The following MAP7D2 variants were observed in gnomAD, a reference collection of about 807,000 sequenced individuals.
MAP7D2 encodes MAP7 domain-containing protein 2.
MAP7D2 carries 33 observed loss-of-function variants against 63.5 expected under a neutral mutation model. That is an observed-to-expected ratio of 0.52 (90% CI 0.39 to 0.70). The LOEUF (loss-of-function observed/expected upper bound fraction) is 0.70. Ranked by LOEUF, MAP7D2 falls within the 30% of genes least tolerant of loss-of-function variation. The pLI, the probability that MAP7D2 is intolerant of heterozygous loss-of-function variation, is 0.00. For missense variants in MAP7D2, 626 were observed against 604.0 expected (o/e 1.04, Z -0.38); for synonymous variants, 224 against 223.7 (o/e 1.00, Z -0.01).
chrX:20,109,723 C>A (rs1415765367), intron 1 of MAP7D2, among the ~76,000 whole-genome samples: 2 of 110,819 alleles, frequency 1.8e-5, no homozygotes, highest in Non-Finnish European at 3.8e-5. Flanking sequence ...GTTGCATATC[C>A]AAGGATTCAA....
At chrX:20,060,704 A>G (rs1363115636) in intron 3 of MAP7D2, among the ~76,000 whole-genome samples, 3 of 110,690 alleles carry the variant, frequency 2.7e-5, no homozygotes, top group Non-Finnish European at 5.7e-5. Flanking sequence ...GAACTTAAGG[A>G]GTAGGTGGCC....
intron 3 of MAP7D2, among the ~76,000 whole-genome samples, chrX:20,059,876 C>T (rs1284123656): frequency 1.8e-5 from 2 of 111,520 alleles, no homozygotes; most frequent in African/African-American, 6.5e-5. Context: ...TGGAGAATCA[C>T]GACCAAGGTG....
At chrX:20,044,810 A>T (rs1038663264) in intron 6 of MAP7D2, among the ~76,000 whole-genome samples, 51 of 110,918 alleles carry the variant, frequency 4.6e-4, no homozygotes, top group Admixed American at 1.8e-3. Flanking sequence ...TAACCTCTCT[A>T]AACATCGATT....
At chrX:20,040,804 A>G (rs2064634535) in intron 8 of MAP7D2, among the ~76,000 whole-genome samples, 1 of 111,502 alleles carries the variant, frequency 9.0e-6, no homozygotes, top group Admixed American at 9.6e-5. Context: ...AATAATAATA[A>G]TGAAGTTTGG....
intron 8 of MAP7D2, among the ~76,000 whole-genome samples, chrX:20,036,772 C>T (rs1026794630): frequency 8.7e-5 from 9 of 102,959 alleles, no homozygotes; most frequent in African/African-American, 2.1e-4. Context: ...GGCGTGGTGG[C>T]GCACCCCTGT....
intron 1 of MAP7D2, among the ~76,000 whole-genome samples, chrX:20,108,138 C>T (rs1988822198): frequency 9.0e-6 from 1 of 111,238 alleles, no homozygotes; most frequent in South Asian, 3.8e-4. Context: ...CAGCCTAACC[C>T]TGATGGGCTG....
intron 10 of MAP7D2, among the ~76,000 whole-genome samples, chrX:20,019,616 G>A (rs911996268): frequency 1.8e-5 from 2 of 111,951 alleles, no homozygotes; most frequent in African/African-American, 3.3e-5. Flanking sequence ...CAATCTGAGG[G>A]ACGAGTATGT....
At chrX:20,027,757 G>GGGGAGAGAGAGAGAGAGAGAGA (rs1170204967) in intron 8 of MAP7D2, among the ~76,000 whole-genome samples, 1 of 76,252 alleles carries the variant, frequency 1.3e-5, no homozygotes, top group African/African-American at 5.5e-5. Flanking sequence ...GAAGGCGGGG[G>GGGGAGAGAGAGAGAGAGAGAGA]GAGAGAGAGA....
intron 5 of MAP7D2, among the ~76,000 whole-genome samples, chrX:20,051,158 G>C (rs2064938004): frequency 9.0e-6 from 1 of 111,700 alleles, no homozygotes; most frequent in South Asian, 3.8e-4. Flanking sequence ...TGCATTAATT[G>C]TCACTAGGTA....
At chrX:20,056,625 C>T (rs943905938) in intron 4 of MAP7D2, 55 bp downstream of exon 4, 1 of 1,029,409 alleles carries the variant, frequency 9.7e-7, no homozygotes, top group African/African-American at 1.8e-5. Context: ...AATCCCCTGC[C>T]TGCTCCATTA....
At chrX:20,110,252 C>T in intron 1 of MAP7D2, among the ~76,000 whole-genome samples, 2 of 108,992 alleles carry the variant, frequency 1.8e-5, no homozygotes, top group South Asian at 8.1e-4. Context: ...CTTTGGGAGG[C>T]TGAGGTGGGC....
intron 10 of MAP7D2, among the ~76,000 whole-genome samples, chrX:20,017,842 C>T (rs1017686364): frequency 2.7e-5 from 3 of 111,726 alleles, no homozygotes; most frequent in South Asian, 3.7e-4. Flanking sequence ...CCTTTATTAA[C>T]GAGCCAATTA....
chrX:20,083,790 A>G (rs1027943040), intron 1 of MAP7D2, among the ~76,000 whole-genome samples: 2 of 111,562 alleles, frequency 1.8e-5, no homozygotes, highest in Admixed American at 1.9e-4. Context: ...GTGCTTGGCA[A>G]AGTCTGGAGA....
At chrX:20,095,578 T>C (rs2066235489) in intron 1 of MAP7D2, among the ~76,000 whole-genome samples, 1 of 110,371 alleles carries the variant, frequency 9.1e-6, no homozygotes, top group African/African-American at 3.3e-5. Context: ...GGGTCAAACA[T>C]AGCATTTCTA....
At chrX:20,051,535 G>C (rs997550903) in intron 5 of MAP7D2, among the ~76,000 whole-genome samples, 3 of 103,924 alleles carry the variant, frequency 2.9e-5, no homozygotes, top group African/African-American at 7.1e-5. Flanking sequence ...GTGCAACAGA[G>C]AGCCTGTCTC....
intron 1 of MAP7D2, among the ~76,000 whole-genome samples, chrX:20,068,508 C>T (rs1433033149): frequency 1.8e-5 from 2 of 112,467 alleles, no homozygotes; most frequent in African/African-American, 6.5e-5. Flanking sequence ...CAAATTAACT[C>T]ATCTCCAGCT....
rs762875813 is a variant in MAP7D2 at position 20,042,660 on chromosome X, T to C, written c.880-31A>G. The C allele has an allele frequency of 2.5e-5, 30 of 1,204,546 alleles. No individual in the cohort carries two copies. The South Asian group carries it at 5.0e-4, about 20-fold the overall frequency. On this transcript the variant is annotated intron_variant, in intron 7 of 16. Transcript: ENST00000379643. ...GGGGACACAGGATAGCCACAGTCCA[T>C]GACTGGCACTACTTCCACAATTTAT...
In MAP7D2 at chrX:20,008,225, G is replaced by A. The variant is rs983900691; in HGVS notation, c.*200C>T. The stretch of plus-strand genomic sequence containing the variant: ...AGGAAACTTTGCTAAAGCCCAGCAA[G>A]GTGAAAGTTTCAAGGTTTCTACCAA... On this transcript the variant is annotated 3_prime_UTR_variant, in exon 17 of 17. Transcript: ENST00000379643. 1.9e-4 allele frequency: 21 copies of A among 112,033 alleles called. No individual in the cohort carries two copies. The highest frequency in any genetic ancestry group is 6.5e-4 in the African/African-American group (20 of 30,838). 9.2% of individuals were successfully genotyped at this position (112,033 alleles called of 1,213,427 possible).
At chrX:20,086,842 C>T (rs1253611867) in intron 1 of MAP7D2, among the ~76,000 whole-genome samples, 1 of 111,445 alleles carries the variant, frequency 9.0e-6, no homozygotes, top group African/African-American at 3.3e-5. Context: ...TGCAGTGGCG[C>T]TATCTCAGCT....
Sources: gnomAD v4.1 joint callset for allele counts (sites outside exome capture counted in the v4.1 genomes callset) on GRCh38, gnomAD v4.1.1 for gene constraint, MANE v1.5 for transcripts, NCBI Gene and HGNC (gene_info 2026-07-23, HGNC 2026-07-21) for gene names.